Variants in RBFOX1 observed in about 807,000 individuals in gnomAD.
The protein encoded by RBFOX1 is RNA binding protein fox-1 homolog 1.
In RBFOX1, 8 loss-of-function variants were observed where a neutral mutation model predicts 57.7. That is an observed-to-expected ratio of 0.14 (90% CI 0.08 to 0.25). RBFOX1 has a LOEUF of 0.25. RBFOX1 is among the 10% of genes least tolerant of loss of function. RBFOX1 has a pLI of 1.00. For synonymous variants in RBFOX1, 326 were observed against 222.4 expected, an observed-to-expected ratio of 1.47 and a Z score of -4.15; for missense variants, 611 against 548.5, an observed-to-expected ratio of 1.11 and a Z score of -1.14.
At chr16:5,291,291 C>G (rs897608933) in intron 1 of RBFOX1, among the ~76,000 whole-genome samples, 14 of 122,060 alleles carry the variant, frequency 1.1e-4, no homozygotes, top group African/African-American at 3.6e-4. Context: ...GAGACGGAGT[C>G]TCACTCTGTC....
intron 3 of RBFOX1, among the ~76,000 whole-genome samples, chr16:6,696,861 G>C (rs909072315): frequency 6.6e-6 from 1 of 152,174 alleles, no homozygotes; most frequent in Non-Finnish European, 1.5e-5. Flanking sequence ...CTGAGAAATA[G>C]TATTTTGTCT....
intron 1 of RBFOX1, among the ~76,000 whole-genome samples, chr16:6,161,420 G>A (rs1021176783): frequency 5.3e-5 from 8 of 150,846 alleles, no homozygotes; most frequent in South Asian, 2.1e-4. Context: ...TGATTAGTTC[G>A]TCAGTAAATT....
At chr16:7,084,223 G>A (rs911288101) in intron 4 of RBFOX1, among the ~76,000 whole-genome samples, 2 of 151,960 alleles carry the variant, frequency 1.3e-5, no homozygotes, top group African/African-American at 4.8e-5. Context: ...ACACTGTGCT[G>A]GTCAAATGGA....
chr16:6,437,103 G>A (rs2094256877), intron 2 of RBFOX1, among the ~76,000 whole-genome samples: 1 of 152,028 alleles, frequency 6.6e-6, no homozygotes, highest in African/African-American at 2.4e-5. Context: ...AAATTAATAG[G>A]CGATCGTTTC....
chr16:6,849,204 T>G (rs192451845), intron 3 of RBFOX1, among the ~76,000 whole-genome samples: 1 of 152,340 alleles, frequency 6.6e-6, no homozygotes, highest in African/African-American at 2.4e-5. Flanking sequence ...ATTATCCACC[T>G]ATCAGAGAGT....
intron 3 of RBFOX1, among the ~76,000 whole-genome samples, chr16:5,705,822 A>ATCG (rs1409045149): frequency 6.6e-6 from 1 of 152,102 alleles, no homozygotes; most frequent in Non-Finnish European, 1.5e-5. Context: ...GCTTATTATC[A>ATCG]TATCCGTAGT....
At chr16:7,251,164 C>G (rs2094487275) in intron 4 of RBFOX1, among the ~76,000 whole-genome samples, 2 of 152,112 alleles carry the variant, frequency 1.3e-5, no homozygotes, top group African/African-American at 4.8e-5. Flanking sequence ...CCCCAACCCT[C>G]ACCAACCCCA....
intron 2 of RBFOX1, among the ~76,000 whole-genome samples, chr16:6,362,055 C>G (rs192706606): frequency 6.6e-6 from 1 of 152,200 alleles, no homozygotes; most frequent in Non-Finnish European, 1.5e-5. Flanking sequence ...CAAATCCTTT[C>G]TGACTCAATA....
At chr16:6,431,342 C>T (rs367806310) in intron 2 of RBFOX1, among the ~76,000 whole-genome samples, 1 of 151,554 alleles carries the variant, frequency 6.6e-6, no homozygotes, top group Non-Finnish European at 1.5e-5. Context: ...AGGTGGATGG[C>T]AACAGAGGAA....
chr16:5,473,934 A>C (rs889804763), intron 2 of RBFOX1, among the ~76,000 whole-genome samples: 2 of 99,794 alleles, frequency 2.0e-5, no homozygotes, highest in Non-Finnish European at 3.9e-5. Flanking sequence ...GTGGGTAGGT[A>C]GATGGATGGA....
intron 3 of RBFOX1, among the ~76,000 whole-genome samples, chr16:6,833,295 A>G (rs1453182552): frequency 1.3e-5 from 2 of 151,900 alleles, no homozygotes; most frequent in African/African-American, 4.8e-5. Context: ...CCTCCTGAGT[A>G]CCTGCGACTA....
intron 1 of RBFOX1, among the ~76,000 whole-genome samples, chr16:5,420,222 C>A (rs1286003977): frequency 1.3e-5 from 2 of 152,168 alleles, no homozygotes; most frequent in Admixed American, 1.3e-4. Flanking sequence ...TTTAAACAAA[C>A]AAGGTGGATT....
chr16:6,994,416 G>C (rs1230167590), intron 3 of RBFOX1, among the ~76,000 whole-genome samples: 2 of 152,126 alleles, frequency 1.3e-5, no homozygotes, highest in African/African-American at 4.8e-5. Context: ...CAATGCTTCA[G>C]GCACCCAATT....
At chr16:6,360,020 A>G (rs2152865705) in intron 2 of RBFOX1, among the ~76,000 whole-genome samples, 1 of 152,216 alleles carries the variant, frequency 6.6e-6, no homozygotes, top group Admixed American at 6.5e-5. Flanking sequence ...GTGAGGAACA[A>G]TTTTGCTTAT....
In RBFOX1 at chr16:6,507,434, G is replaced by C. The variant is rs146257204; in HGVS notation, c.-63-147169G>C. On this transcript the variant is annotated intron_variant, in intron 2 of 15. Transcript: ENST00000550418. ...GCCTGTAATCCCAACACTTTGTGAG[G>C]CTAAGGCAGGAGGATTAATAGAACC... Among the ~76,000 whole-genome samples the C allele has an allele frequency of 2.7e-3, 395 of 143,808 alleles. 2 individuals are homozygous for C. Among genetic ancestry groups the C allele is most frequent in the African/African-American group, 9.4e-3 (361 of 38,290 alleles). 94.3% of individuals were successfully genotyped at this position (143,808 alleles called of 152,430 possible).
At chr16:5,280,712 G>C (rs1035727121) in intron 1 of RBFOX1, among the ~76,000 whole-genome samples, 2 of 152,004 alleles carry the variant, frequency 1.3e-5, no homozygotes, top group African/African-American at 4.8e-5. Flanking sequence ...TTTCCAATTT[G>C]TTAGCATATG....
At chr16:5,834,672 G>T (rs1334988752) in intron 3 of RBFOX1, among the ~76,000 whole-genome samples, 1 of 143,026 alleles carries the variant, frequency 7.0e-6, no homozygotes, top group Non-Finnish European at 1.5e-5. Flanking sequence ...GGGATTGCTG[G>T]ATTGAATGGG....
At chr16:6,341,603 T>G (rs1011745177) in intron 2 of RBFOX1, among the ~76,000 whole-genome samples, 14 of 152,176 alleles carry the variant, frequency 9.2e-5, no homozygotes, top group African/African-American at 3.4e-4. Flanking sequence ...TTAAGAAAAT[T>G]AATCCTTTAT....
intron 1 of RBFOX1, among the ~76,000 whole-genome samples, chr16:5,392,527 A>ATT (rs1256463029): frequency 6.7e-6 from 1 of 149,954 alleles, no homozygotes; most frequent in African/African-American, 2.5e-5. Flanking sequence ...ATATATATAT[A>ATT]TATTTTTTTT....
Sources: allele counts gnomAD v4.1 joint callset (sites outside exome capture counted in the v4.1 genomes callset), GRCh38; gene constraint gnomAD v4.1.1; transcripts MANE v1.5; gene names NCBI Gene and HGNC (gene_info 2026-07-23, HGNC 2026-07-21).